Variants in SMARCAL1 observed in about 807,000 individuals in gnomAD.
SMARCAL1 encodes SNF2 related chromatin remodeling annealing helicase 1.
In SMARCAL1, 58 loss-of-function variants were observed where a neutral mutation model predicts 94.5. The ratio of observed to expected loss-of-function variants is 0.61; its 90% confidence interval spans 0.50 to 0.76. SMARCAL1 has a LOEUF of 0.76. SMARCAL1 is among the 30% of genes least tolerant of loss of function. The pLI is 0.00. For missense variants in SMARCAL1, 1,051 were observed against 1,177.9 expected, an observed-to-expected ratio of 0.89 and a Z score of 1.58; for synonymous variants, 422 against 455.1, an observed-to-expected ratio of 0.93 and a Z score of 0.93.
intron 10 of SMARCAL1, among the ~76,000 whole-genome samples, chr2:216,439,517 C>T (rs3770480): frequency 0.035 from 5,351 of 152,148 alleles, 205 homozygotes; most frequent in East Asian, 0.16. Flanking sequence ...TTGTGTTGTA[C>T]CAGCATTTTA....
At chr2:216,419,162 A>G (rs1693661959) in intron 4 of SMARCAL1, among the ~76,000 whole-genome samples, 4 of 152,258 alleles carry the variant, frequency 2.6e-5, no homozygotes, top group Admixed American at 2.0e-4. Context: ...AGCTCTTGCT[A>G]TAATTGCCAA....
intron 11 of SMARCAL1, among the ~76,000 whole-genome samples, chr2:216,447,407 A>T (rs898292960): frequency 6.6e-6 from 1 of 152,078 alleles, no homozygotes; most frequent in Admixed American, 6.5e-5. Flanking sequence ...CAGTAAGGGG[A>T]CTAGTGGCTG....
At chr2:216,434,480 C>T (rs898540633) in intron 8 of SMARCAL1, among the ~76,000 whole-genome samples, 1 of 152,086 alleles carries the variant, frequency 6.6e-6, no homozygotes, top group Non-Finnish European at 1.5e-5. Flanking sequence ...CCTGCAGAAA[C>T]TTACCATCTA....
At chr2:216,458,949 C>G (rs1231355173) in intron 12 of SMARCAL1, among the ~76,000 whole-genome samples, 1 of 152,062 alleles carries the variant, frequency 6.6e-6, no homozygotes, top group African/African-American at 2.4e-5. Flanking sequence ...GTCTCAGCCC[C>G]AAATCTCCTT....
intron 7 of SMARCAL1, 93 bp downstream of exon 7, chr2:216,428,875 T>G (rs998947743): frequency 8.6e-7 from 1 of 1,161,172 alleles, no homozygotes; most frequent in Non-Finnish European, 1.3e-6. Flanking sequence ...TTATGAACTT[T>G]TATTTACCAT....
intron 12 of SMARCAL1, among the ~76,000 whole-genome samples, chr2:216,453,718 C>T (rs1485605106): frequency 6.6e-6 from 1 of 152,196 alleles, no homozygotes; most frequent in Non-Finnish European, 1.5e-5. Flanking sequence ...CCACTGCCAC[C>T]AGTTTTTTAA....
chr2:216,447,294 TCTTACTATGGC>T, intron 11 of SMARCAL1, 136 bp downstream of exon 11: 1 of 1,113,890 alleles, frequency 9.0e-7, no homozygotes, highest in Non-Finnish European at 1.4e-6. Flanking sequence ...TCTTTCTGTT[TCTTACTATGGC>T]CTTGGAATGA....
At chr2:216,473,244 TATGGAATATA>T (rs1262264626) in intron 14 of SMARCAL1, among the ~76,000 whole-genome samples, 1 of 152,062 alleles carries the variant, frequency 6.6e-6, no homozygotes, top group Admixed American at 6.6e-5. Context: ...TTTATATAAA[TATGGAATATA>T]ATGGAATATA....
chr2:216,419,678 T>C (rs1693672013), intron 4 of SMARCAL1, among the ~76,000 whole-genome samples: 1 of 152,158 alleles, frequency 6.6e-6, no homozygotes, highest in Admixed American at 6.6e-5. Flanking sequence ...AGTTTATTCA[T>C]CCTGGCGAGC....
At chr2:216,436,416 A>G (rs1294607278) in intron 9 of SMARCAL1, among the ~76,000 whole-genome samples, 2 of 152,208 alleles carry the variant, frequency 1.3e-5, no homozygotes, top group Non-Finnish European at 2.9e-5. Flanking sequence ...CTCTGTCAGT[A>G]CTGAGTATAT....
intron 12 of SMARCAL1, among the ~76,000 whole-genome samples, chr2:216,457,041 T>C (rs1195231306): frequency 6.6e-6 from 1 of 152,192 alleles, no homozygotes; most frequent in Non-Finnish European, 1.5e-5. Flanking sequence ...GGGGTTGCAA[T>C]CCTAGTCTCT....
intron 3 of SMARCAL1, 59 bp downstream of exon 3, chr2:216,415,574 T>A: frequency 1.4e-6 from 2 of 1,406,034 alleles, no homozygotes; most frequent in Non-Finnish European, 2.0e-6. Flanking sequence ...GAGTCTCTTT[T>A]AATCTAACAG....
At chr2:216,460,268 G>T (rs1215118197) in intron 12 of SMARCAL1, among the ~76,000 whole-genome samples, 1 of 152,238 alleles carries the variant, frequency 6.6e-6, no homozygotes, top group East Asian at 1.9e-4. Context: ...CACTGTGGAA[G>T]TCAGTGTGGC....
chr2:216,418,070 A>G (rs1205798863), intron 4 of SMARCAL1, among the ~76,000 whole-genome samples: 2 of 151,792 alleles, frequency 1.3e-5, no homozygotes, highest in Non-Finnish European at 2.9e-5. Flanking sequence ...TCAGGCGTGT[A>G]CCATGCCTGG....
In SMARCAL1 at chr2:216,482,636, T is replaced by A; in HGVS notation, c.2626-102T>A. ...TAGCTCCCTGACACCATGAAATGTG[T>A]GGTCTCTCATCTTTATATTCTCTCA... On this transcript the variant is annotated intron_variant, in intron 17 of 17. Transcript: ENST00000357276. This position sits in a 1 kb window ranked among gnomAD's most constrained non-coding sequence, Gnocchi z 4.3. 6.6e-7 allele frequency: 1 copy of A among 1,511,502 alleles called. No individual in the cohort carries two copies. The highest frequency in any genetic ancestry group is 9.2e-7 in the Non-Finnish European group (1 of 1,089,046). The allele number at this position is 1,511,502 out of a possible 1,614,324, so 93.6% of individuals were successfully genotyped here.
At chr2:216,480,751 G>C (rs1332452034) in intron 17 of SMARCAL1, among the ~76,000 whole-genome samples, 1 of 152,202 alleles carries the variant, frequency 6.6e-6, no homozygotes, top group African/African-American at 2.4e-5. Context: ...GTGAGGAACA[G>C]TGGCCAGGTA....
At position 216,451,082 on chromosome 2, in the gene SMARCAL1, G is replaced by T; in HGVS notation, c.2070+18G>T. ...ACAAAACTGTGAGTCCAGGGCTGGA[G>T]ACAGATTTGGAAGCAGACATGTCTA... On this transcript the variant is annotated intron_variant, in intron 12 of 17. Transcript: ENST00000357276. 1 of 1,597,322 alleles carries T rather than the reference G, an allele frequency of 6.3e-7. No homozygotes were observed. The highest frequency in any genetic ancestry group is 1.7e-5 in the Admixed American group (1 of 59,974).
chr2:216,453,431 G>T (rs1002879760), intron 12 of SMARCAL1, among the ~76,000 whole-genome samples: 1 of 152,204 alleles, frequency 6.6e-6, no homozygotes, highest in African/African-American at 2.4e-5. Context: ...AAACAGATTT[G>T]TGTGTTTGTG....
intron 7 of SMARCAL1, among the ~76,000 whole-genome samples, chr2:216,431,330 G>T (rs770463082): frequency 6.6e-6 from 1 of 152,206 alleles, no homozygotes; most frequent in Non-Finnish European, 1.5e-5. Flanking sequence ...CTATCCCAGC[G>T]GCTTATTATC....
Sources: gnomAD v4.1 joint callset for allele counts (sites outside exome capture counted in the v4.1 genomes callset) on GRCh38, gnomAD v4.1.1 for gene constraint, Gnocchi (gnomAD v3.1) non-coding constraint, MANE v1.5 for transcripts, NCBI Gene and HGNC (gene_info 2026-07-23, HGNC 2026-07-21) for gene names.